Variants in NEK10 observed in about 807,000 individuals in gnomAD.
NEK10 encodes serine/threonine-protein kinase Nek10.
Under a neutral mutation model 159.8 loss-of-function variants are expected in NEK10, and 122 were observed. That is an observed-to-expected ratio of 0.76 (90% confidence interval 0.66 to 0.89). The LOEUF (loss-of-function observed/expected upper bound fraction) is 0.89, where lower values mean the gene tolerates loss of function less well. Ranked by LOEUF, NEK10 falls within the 40% of genes least tolerant of loss-of-function variation. NEK10 has a pLI of 0.00. For missense variants in NEK10, 1,342 were observed against 1,323.1 expected (o/e 1.01, Z -0.22); for synonymous variants, 466 against 457.1 (o/e 1.02, Z -0.25).
At chr3:27,338,998 A>G (rs2047013139) in intron 5 of NEK10, among the ~76,000 whole-genome samples, 1 of 152,238 alleles carries the variant, frequency 6.6e-6, no homozygotes, top group South Asian at 2.1e-4. Flanking sequence ...AAGAGAGTGA[A>G]GAGACAACCT....
rs34175963 is a variant in NEK10 at position 27,282,661 on chromosome 3, T to TTA, written c.2014+1939_2014+1940dup. 6.9e-5 allele frequency among the ~76,000 whole-genome samples: 7 copies of TTA among 100,932 alleles called. 1 individual carries two copies. Among genetic ancestry groups the TTA allele is most frequent in the Non-Finnish European group, 6.3e-5 (3 of 47,670 alleles). 66.2% of individuals were successfully genotyped at this position (100,932 alleles called of 152,430 possible). ...TGTGTTATATATATACATAACTGTGTTATATATATACATAACTGTGTTATA... is the reference window on the plus strand; with the variant it reads ...TGTGTTATATATATACATAACTGTGTTATATATATATACATAACTGTGTTATA... On this transcript the variant is annotated intron_variant, in intron 22 of 35. Coordinates refer to ENST00000691995, the MANE Select transcript of NEK10 (RefSeq NM_001394966.1).
At chr3:27,322,403 A>G in intron 5 of NEK10, 142 bp from the exon 6 acceptor site, 1 of 620,440 alleles carries the variant, frequency 1.6e-6, no homozygotes, top group East Asian at 2.8e-5. Flanking sequence ...TGGTACTTGA[A>G]CACTTGACTC....
chr3:27,290,351 A>C (rs1166612673), intron 19 of NEK10, among the ~76,000 whole-genome samples: 2 of 150,916 alleles, frequency 1.3e-5, no homozygotes, highest in Non-Finnish European at 3.0e-5. Flanking sequence ...TCACAATGAA[A>C]AGAAAAGGAT....
chr3:27,240,311 GA>G (rs140706464), intron 23 of NEK10, among the ~76,000 whole-genome samples: 86 of 146,252 alleles, frequency 5.9e-4, no homozygotes, highest in African/African-American at 1.9e-3. Flanking sequence ...ATTTTTTGTA[GA>G]AAAAAAAAAG....
chr3:27,239,748 C>G (rs1445781130), intron 23 of NEK10, among the ~76,000 whole-genome samples: 1 of 152,116 alleles, frequency 6.6e-6, no homozygotes, highest in Non-Finnish European at 1.5e-5. Context: ...CTTAAAATAA[C>G]CTTTCAGTAC....
At chr3:27,123,593 A>T (rs1941579197) in intron 32 of NEK10, among the ~76,000 whole-genome samples, 1 of 152,196 alleles carries the variant, frequency 6.6e-6, no homozygotes, top group South Asian at 2.1e-4. Context: ...GATAAAAATT[A>T]TACTCTTGGA....
intron 6 of NEK10, among the ~76,000 whole-genome samples, chr3:27,316,256 G>T (rs1044610240): frequency 2.0e-4 from 31 of 152,174 alleles, no homozygotes; most frequent in African/African-American, 7.5e-4. Flanking sequence ...GAGCTCAGGT[G>T]GGGGTCAGTG....
chr3:27,170,989 G>A (rs1337104308), intron 29 of NEK10, among the ~76,000 whole-genome samples: 1 of 151,930 alleles, frequency 6.6e-6, no homozygotes, highest in Non-Finnish European at 1.5e-5. Flanking sequence ...AGTTCATCCT[G>A]ATTCTAGGAG....
chr3:27,164,907 C>T (rs1946346101), intron 29 of NEK10, among the ~76,000 whole-genome samples: 1 of 152,204 alleles, frequency 6.6e-6, no homozygotes, highest in East Asian at 1.9e-4. Context: ...ACGTTTCAAA[C>T]ATTTTTACAT....
chr3:27,150,239 G>T (rs1944698847), intron 30 of NEK10, among the ~76,000 whole-genome samples: 1 of 152,204 alleles, frequency 6.6e-6, no homozygotes. Flanking sequence ...TTATGATCCA[G>T]CTAAGATAAC....
intron 22 of NEK10, among the ~76,000 whole-genome samples, chr3:27,266,473 T>C (rs1235964648): frequency 6.6e-6 from 1 of 152,174 alleles, no homozygotes; most frequent in Non-Finnish European, 1.5e-5. Flanking sequence ...TACATATTCA[T>C]CTGGATAATC....
intron 1 of NEK10, among the ~76,000 whole-genome samples, chr3:27,366,306 C>CT (rs2049081116): frequency 6.6e-6 from 1 of 152,202 alleles, no homozygotes; most frequent in African/African-American, 2.4e-5. Context: ...GCTCCAGAAT[C>CT]TGTGTTCTAT....
chr3:27,342,303 A>C (rs1275311708), intron 5 of NEK10, among the ~76,000 whole-genome samples: 1 of 152,124 alleles, frequency 6.6e-6, no homozygotes, highest in East Asian at 1.9e-4. Context: ...TATAAGTCTA[A>C]AGTTAGAAGG....
At chr3:27,351,450 G>A (rs1393999040) in intron 3 of NEK10, among the ~76,000 whole-genome samples, 1 of 152,124 alleles carries the variant, frequency 6.6e-6, no homozygotes, top group Non-Finnish European at 1.5e-5. Flanking sequence ...GTATGATCTT[G>A]GGAAAGTCAC....
Position 27,281,852 on chromosome 3 carries a change from T to C in NEK10, c.2014+2750A>G, listed in dbSNP as rs565593948. Among the ~76,000 whole-genome samples, 4 of 152,120 alleles carry C rather than the reference T, an allele frequency of 2.6e-5. No individual in the cohort carries two copies. In the East Asian group the frequency reaches 7.7e-4, roughly 29 times the overall value. On this transcript the variant is annotated intron_variant, in intron 22 of 35. Coordinates refer to ENST00000691995, the MANE Select transcript of NEK10 (RefSeq NM_001394966.1). ...AATGAGGAGTCCAGGAAAACAAAAG[T>C]GGGAGTACTTATCATGTTTGACCAT...
At chr3:27,158,860 T>G (rs951531952) in intron 30 of NEK10, among the ~76,000 whole-genome samples, 1 of 152,226 alleles carries the variant, frequency 6.6e-6, no homozygotes, top group Non-Finnish European at 1.5e-5. Context: ...ACACGTTTCC[T>G]GTGTTATATT....
intron 29 of NEK10, among the ~76,000 whole-genome samples, chr3:27,168,341 T>C (rs1946665046): frequency 6.6e-6 from 1 of 152,184 alleles, no homozygotes; most frequent in Non-Finnish European, 1.5e-5. Flanking sequence ...CTATCTTCTT[T>C]TATATTCAAA....
chr3:27,282,224 T>C (rs2149447107), intron 22 of NEK10, among the ~76,000 whole-genome samples: 1 of 152,246 alleles, frequency 6.6e-6, no homozygotes, highest in South Asian at 2.1e-4. Flanking sequence ...GTGGCCATTT[T>C]GTGGGAACAG....
chr3:27,176,517 C>A (rs1053487879), intron 26 of NEK10, among the ~76,000 whole-genome samples: 1 of 152,204 alleles, frequency 6.6e-6, no homozygotes, highest in Non-Finnish European at 1.5e-5. Context: ...CCACACTCAA[C>A]CCCTGATACC....
Sources: gnomAD v4.1 joint callset for allele counts (sites outside exome capture counted in the v4.1 genomes callset) on GRCh38, gnomAD v4.1.1 for gene constraint, MANE v1.5 for transcripts, NCBI Gene and HGNC (gene_info 2026-07-23, HGNC 2026-07-21) for gene names.